GATAD2B: variants seen among roughly 807,000 people sequenced by gnomAD.
GATAD2B encodes transcriptional repressor p66-beta.
Under a neutral mutation model 64.3 loss-of-function variants are expected in GATAD2B, and 8 were observed. That is an observed-to-expected ratio of 0.12 (90% CI 0.07 to 0.22). GATAD2B has a LOEUF of 0.22. Among genes scored for constraint, GATAD2B ranks in the 10% least tolerant of loss-of-function variants. The pLI is 1.00. For missense variants in GATAD2B, 453 were observed against 752.0 expected, an observed-to-expected ratio of 0.60 and a Z score of 4.65; for synonymous variants, 281 against 271.3, an observed-to-expected ratio of 1.04 and a Z score of -0.35.
intron 8 of GATAD2B, among the ~76,000 whole-genome samples, chr1:153,812,817 C>T (rs1037386240): frequency 6.6e-5 from 10 of 152,188 alleles, no homozygotes; most frequent in African/African-American, 2.4e-4. Flanking sequence ...ATAACTGCTA[C>T]ATGAGATGTT....
chr1:153,851,705 A>G (rs61804833), intron 1 of GATAD2B, among the ~76,000 whole-genome samples: 29 of 152,190 alleles, frequency 1.9e-4, no homozygotes, highest in Non-Finnish European at 3.5e-4. Context: ...ACAAGCAATC[A>G]TCATGAGATA....
intron 1 of GATAD2B, among the ~76,000 whole-genome samples, chr1:153,921,450 T>C (rs185966321): frequency 6.6e-6 from 1 of 152,198 alleles, no homozygotes; most frequent in East Asian, 1.9e-4. Context: ...GTTAAACCTG[T>C]TTTAATTCCA....
At chr1:153,815,284 AAAAAAAAAC>A (rs1448243564) in intron 7 of GATAD2B, among the ~76,000 whole-genome samples, 9 of 144,298 alleles carry the variant, frequency 6.2e-5, no homozygotes, top group African/African-American at 1.8e-4. Context: ...AAAAAACAAA[AAAAAAAAAC>A]AAAAAAAAAA....
rs1227857311 is a variant in GATAD2B at position 153,889,120 on chromosome 1, T to C, written c.-2+33613A>G. Reference sequence around the variant, plus strand: ...TAATCACCTCACTGAATTGCTATGTTCAACAGGCTATACTAGAACTAGATC... The same window carrying C: ...TAATCACCTCACTGAATTGCTATGTCCAACAGGCTATACTAGAACTAGATC... On this transcript the variant is annotated intron_variant, in intron 1 of 10. Coordinates refer to ENST00000368655, the MANE Select transcript of GATAD2B (RefSeq NM_020699.4). 3.9e-5 allele frequency among the ~76,000 whole-genome samples: 6 copies of C among 152,224 alleles called. No individual in the cohort carries two copies. The East Asian group carries it at 5.8e-4, about 15-fold the overall frequency.
chr1:153,892,793 C>T (rs930738166), intron 1 of GATAD2B, among the ~76,000 whole-genome samples: 1 of 147,102 alleles, frequency 6.8e-6, no homozygotes, highest in Non-Finnish European at 1.5e-5. Flanking sequence ...CTCCCGGGTT[C>T]GGGCAATTAT....
At chr1:153,918,587 G>A (rs529897216) in intron 1 of GATAD2B, among the ~76,000 whole-genome samples, 1 of 152,274 alleles carries the variant, frequency 6.6e-6, no homozygotes, top group East Asian at 1.9e-4. Context: ...ACAAGCCGAA[G>A]AAAGCTTTGA....
In GATAD2B at chr1:153,817,609, G is replaced by A; in HGVS notation, c.730-67C>T. On this transcript the variant is annotated intron_variant, in intron 5 of 10. Coordinates refer to ENST00000368655, the MANE Select transcript of GATAD2B (RefSeq NM_020699.4). ...CGCTGTGTATAATACAGCACAAAAT[G>A]CAAAAGGGAAAACACTGCCTATAAT... 3 of 1,154,158 alleles carry A rather than the reference G, an allele frequency of 2.6e-6. No homozygotes were observed. In the South Asian group the frequency reaches 5.6e-5, roughly 22 times the overall value. The allele number at this position is 1,154,158 out of a possible 1,614,324, so 71.5% of individuals were successfully genotyped here.
intron 8 of GATAD2B, 89 bp from the exon 9 acceptor site, chr1:153,812,221 A>G: frequency 1.4e-6 from 1 of 718,160 alleles, no homozygotes; most frequent in Non-Finnish European, 2.4e-6. Context: ...ACAGAGACAC[A>G]ATCTGACTTT....
At chr1:153,866,614 G>A (rs191822266) in intron 1 of GATAD2B, among the ~76,000 whole-genome samples, 1 of 152,184 alleles carries the variant, frequency 6.6e-6, no homozygotes, top group East Asian at 1.9e-4. Context: ...CACTTCCCAA[G>A]GATATAACCT....
Position 153,828,108 on chromosome 1 carries a change from G to A in GATAD2B, c.240C>T (p.Asn80=), listed in dbSNP as rs180690623. Residue 80 remains asparagine (N), a synonymous_variant, in exon 2 of 11, where the codon AAC becomes AAT. Transcript: ENST00000368655. ...SGVKGYEEKL[N]GNLRPHGDNR... ...TGTCTCCATGAGGCCTGAGATTCCC[G>A]TTAAGTTTTTCTTCATAGCCCTTGA... 574 of 1,614,042 alleles carry A rather than the reference G, an allele frequency of 3.6e-4. No individual in the cohort carries two copies. Among genetic ancestry groups the A allele is most frequent in the Admixed American group, 4.8e-4 (29 of 59,998 alleles).
At chr1:153,917,095 C>T (rs556835665) in intron 1 of GATAD2B, among the ~76,000 whole-genome samples, 4 of 150,814 alleles carry the variant, frequency 2.7e-5, no homozygotes, top group South Asian at 2.1e-4. Context: ...TGTGAGCCCC[C>T]GCACCCGGCC....
At chr1:153,866,202 CAAAAAA>C (rs68135109) in intron 1 of GATAD2B, among the ~76,000 whole-genome samples, 2 of 99,766 alleles carry the variant, frequency 2.0e-5, no homozygotes, top group Non-Finnish European at 2.0e-5. Flanking sequence ...CACTAGGTCT[CAAAAAA>C]AAAAAAAAAA....
chr1:153,869,399 A>T (rs1039236148), intron 1 of GATAD2B, among the ~76,000 whole-genome samples: 1 of 152,082 alleles, frequency 6.6e-6, no homozygotes, highest in Non-Finnish European at 1.5e-5. Context: ...GCAGAAAACA[A>T]TTGTTTTCTT....
At chr1:153,922,602 C>A (rs1431534025) in intron 1 of GATAD2B, 131 bp downstream of exon 1, 1 of 148,164 alleles carries the variant, frequency 6.7e-6, no homozygotes, top group African/African-American at 2.5e-5. Flanking sequence ...GCTTCCCCTC[C>A]CCCCGCCCCT....
chr1:153,816,690 T>G lies in GATAD2B; in HGVS notation c.901-102A>C. 2.9e-6 allele frequency: 2 copies of G among 697,732 alleles called. No homozygotes were observed. The highest frequency in any genetic ancestry group is 4.8e-6 in the Non-Finnish European group (2 of 417,158). 43.2% of individuals were successfully genotyped at this position (697,732 alleles called of 1,614,324 possible). A position where few individuals can be genotyped will look rare whatever the true frequency, so the allele number is the denominator to read the frequency against. On this transcript the variant is annotated intron_variant, in intron 6 of 10. Coordinates refer to ENST00000368655, the MANE Select transcript of GATAD2B (RefSeq NM_020699.4). This position sits in a 1 kb window ranked among gnomAD's most constrained non-coding sequence, Gnocchi z 4.9. ...CTGTCTGATCCTGGTTTGGACTACT[T>G]AGCTTCTCCAAAAATAGGAGGTGGT...
chr1:153,826,063 G>GCAT (rs1375819983), intron 2 of GATAD2B, among the ~76,000 whole-genome samples: 47 of 151,814 alleles, frequency 3.1e-4, no homozygotes, highest in African/African-American at 1.1e-3. Context: ...GAGTGCAGTG[G>GCAT]AGCAATCGCG....
intron 1 of GATAD2B, among the ~76,000 whole-genome samples, chr1:153,884,311 C>T (rs954034653): frequency 6.6e-6 from 1 of 152,298 alleles, no homozygotes; most frequent in South Asian, 2.1e-4. Context: ...GTGGTGATGG[C>T]GGGTGCCTGT....
chr1:153,850,875 C>T (rs1342327548), intron 1 of GATAD2B, among the ~76,000 whole-genome samples: 2 of 151,502 alleles, frequency 1.3e-5, no homozygotes, highest in Non-Finnish European at 1.5e-5. Context: ...GAGCCGGGAA[C>T]GCGCCACTAC....
At chr1:153,824,904 C>T (rs115017927) in intron 2 of GATAD2B, among the ~76,000 whole-genome samples, 5,128 of 152,058 alleles carry the variant, frequency 0.034, 288 homozygotes, top group African/African-American at 0.12. Context: ...GGTGACACAG[C>T]GAAACCTCGT....
Sources: gnomAD v4.1 joint callset for allele counts (sites outside exome capture counted in the v4.1 genomes callset) on GRCh38, gnomAD v4.1.1 for gene constraint, Gnocchi (gnomAD v3.1) non-coding constraint, MANE v1.5 for transcripts, NCBI Gene and HGNC (gene_info 2026-07-23, HGNC 2026-07-21) for gene names.